Variants in RORA observed in about 807,000 individuals in gnomAD.
RORA encodes nuclear receptor ROR-alpha.
In RORA, 7 loss-of-function variants were observed where a neutral mutation model predicts 69.5. That is an observed-to-expected ratio of 0.10 (90% confidence interval 0.06 to 0.19). The LOEUF (loss-of-function observed/expected upper bound fraction) is 0.19, where lower values mean the gene tolerates loss of function less well. RORA is among the 10% of genes least tolerant of loss of function. RORA has a pLI of 1.00. For synonymous variants in RORA, 261 were observed against 240.8 expected (o/e 1.08, Z -0.78); for missense variants, 457 against 663.0 (o/e 0.69, Z 3.41).
intron 1 of RORA, among the ~76,000 whole-genome samples, chr15:60,817,180 G>A (rs2263569): frequency 0.2 from 30,516 of 152,026 alleles, 3,443 homozygotes; most frequent in Admixed American, 0.26. Flanking sequence ...GGCAAATGTC[G>A]GAGAGATTGT....
At chr15:60,691,010 C>T (rs577401530) in intron 1 of RORA, among the ~76,000 whole-genome samples, 8 of 152,308 alleles carry the variant, frequency 5.3e-5, no homozygotes, top group Admixed American at 3.3e-4. Context: ...CCTGGTTCTC[C>T]GACCTAGTGT....
rs199910433 is a variant in RORA, at chr15:60,514,728, A to G, written c.312T>C (p.Asn104=). 25 of 1,613,968 alleles carry G rather than the reference A, an allele frequency of 1.5e-5. No individual in the cohort carries two copies. The highest frequency in any genetic ancestry group is 1.0e-4 in the Admixed American group (6 of 60,000). ...TCTGACGAGGACAGGAGTAGGTGGC[A>G]TTGCTTTGCTGACTTCTCCTGAAAA... ...KGFFRRSQQS[N]ATYSCPRQKN... Residue 104 remains asparagine (N), a synonymous_variant, in exon 4 of 11, where the codon AAT becomes AAC. Coordinates refer to ENST00000335670, the MANE Select transcript of RORA (RefSeq NM_134261.3).
In RORA at chr15:61,191,646, C is replaced by T. The variant is rs547429368; in HGVS notation, c.166+37407G>A. Among the ~76,000 whole-genome samples the T allele has an allele frequency of 2.1e-4, 32 of 152,282 alleles. 1 individual carries two copies. In the South Asian group the frequency reaches 6.4e-3, roughly 31 times the overall value. ...TCCAATGGAATTGAGACACTGACTGCTTATTGGTTCTCCCTTCCCAAACAA... is the reference window on the plus strand; with the variant it reads ...TCCAATGGAATTGAGACACTGACTGTTTATTGGTTCTCCCTTCCCAAACAA... On this transcript the variant is annotated intron_variant, in intron 1 of 10. Transcript: ENST00000335670.
intron 1 of RORA, among the ~76,000 whole-genome samples, chr15:61,097,123 A>T (rs911514181): frequency 3.3e-5 from 5 of 152,108 alleles, no homozygotes; most frequent in African/African-American, 9.7e-5. Flanking sequence ...CAAGAGGGGG[A>T]GTGTTTCCGA....
At chr15:61,137,083 GAAAGAAAGAAA>G (rs1567006673) in intron 1 of RORA, among the ~76,000 whole-genome samples, 1 of 146,492 alleles carries the variant, frequency 6.8e-6, no homozygotes, top group African/African-American at 2.6e-5. Context: ...AAGAAAGAAA[GAAAGAAAGAAA>G]GAAAGAAAAA....
chr15:60,678,941 A>C (rs986959081), intron 1 of RORA, among the ~76,000 whole-genome samples: 5 of 152,190 alleles, frequency 3.3e-5, no homozygotes, highest in African/African-American at 1.2e-4. Flanking sequence ...CAATAACTAA[A>C]CAGGGTTAAA....
intron 2 of RORA, among the ~76,000 whole-genome samples, chr15:60,599,045 G>C (rs940342889): frequency 2.8e-4 from 43 of 152,152 alleles, no homozygotes; most frequent in Non-Finnish European, 5.9e-5. Flanking sequence ...ATAATGTAAG[G>C]CAGAATGTGT....
intron 1 of RORA, among the ~76,000 whole-genome samples, chr15:61,113,375 T>A (rs1323677250): frequency 6.6e-6 from 1 of 152,192 alleles, no homozygotes; most frequent in Non-Finnish European, 1.5e-5. Flanking sequence ...ATTCCCAGGC[T>A]TAGGACCTGA....
chr15:60,639,039 A>C (rs1723014946), intron 2 of RORA, among the ~76,000 whole-genome samples: 1 of 152,130 alleles, frequency 6.6e-6, no homozygotes, highest in Non-Finnish European at 1.5e-5. Flanking sequence ...GAGAACAGCG[A>C]AACCGTGCCT....
intron 1 of RORA, among the ~76,000 whole-genome samples, chr15:60,880,949 C>T (rs896065695): frequency 6.6e-6 from 1 of 152,182 alleles, no homozygotes; most frequent in African/African-American, 2.4e-5. Context: ...CCACCTGACA[C>T]CTCAGCCTCT....
At chr15:61,109,207 A>C (rs768914748) in intron 1 of RORA, among the ~76,000 whole-genome samples, 1 of 152,166 alleles carries the variant, frequency 6.6e-6, no homozygotes, top group African/African-American at 2.4e-5. Context: ...AAAAATAAAT[A>C]ATATTAACCA....
At chr15:60,872,522 T>C (rs2073568333) in intron 1 of RORA, among the ~76,000 whole-genome samples, 1 of 152,006 alleles carries the variant, frequency 6.6e-6, no homozygotes, top group Admixed American at 6.6e-5. Context: ...AAGTATAAAG[T>C]AGGGCAGTGA....
chr15:60,931,454 TTCC>T (rs1484389290), intron 1 of RORA, among the ~76,000 whole-genome samples: 11 of 152,256 alleles, frequency 7.2e-5, no homozygotes, highest in African/African-American at 2.4e-4. Context: ...TGGCTTCAGC[TTCC>T]AGAGCTAAGC....
Position 61,101,868 on chromosome 15 carries a change from G to C in RORA, c.166+127185C>G, listed in dbSNP as rs904126460. 2.0e-5 allele frequency among the ~76,000 whole-genome samples: 3 copies of C among 152,108 alleles called. No homozygotes were observed. The East Asian group carries it at 5.8e-4, about 29-fold the overall frequency. ...GACAGCAGACAGGTTTGCTATGAAT[G>C]CTGGAAGTAATTCTCAGGGTCTTGG... On this transcript the variant is annotated intron_variant, in intron 1 of 10. Coordinates refer to ENST00000335670, the MANE Select transcript of RORA (RefSeq NM_134261.3).
At chr15:61,204,738 A>G (rs2079924862) in intron 1 of RORA, among the ~76,000 whole-genome samples, 1 of 152,242 alleles carries the variant, frequency 6.6e-6, no homozygotes, top group African/African-American at 2.4e-5. Flanking sequence ...CACTGGTATT[A>G]TGACATGCAG....
chr15:60,506,615 G>T (rs956957078), intron 5 of RORA, among the ~76,000 whole-genome samples: 1 of 152,228 alleles, frequency 6.6e-6, no homozygotes, highest in Non-Finnish European at 1.5e-5. Flanking sequence ...CACTTTGGGA[G>T]GCTGAGCTGG....
chr15:60,870,916 A>T (rs938110252), intron 1 of RORA, among the ~76,000 whole-genome samples: 6 of 152,232 alleles, frequency 3.9e-5, no homozygotes, highest in African/African-American at 1.4e-4. Context: ...CTTGCCAAGA[A>T]GTATTTTTTA....
intron 1 of RORA, among the ~76,000 whole-genome samples, chr15:61,076,911 C>A (rs145389903): frequency 1.6e-3 from 247 of 151,484 alleles, no homozygotes; most frequent in Middle Eastern, 6.8e-3. Flanking sequence ...TTTCACTCTA[C>A]CCCCTCTCCC....
rs2064995077 is a variant in RORA at position 60,488,838 on chromosome 15, ATCC to A, written c.*8614_*8616del. The stretch of plus-strand genomic sequence containing the variant: ...GAAGTTTGTGAAATTTGTGTGCTTA[ATCC>A]TCAAGACCTACACACAATTAGAATC... On this transcript the variant is annotated 3_prime_UTR_variant, in exon 11 of 11. Transcript: ENST00000335670. 1 of 152,242 alleles carries A rather than the reference ATCC, an allele frequency of 6.6e-6. No homozygotes were observed. Among genetic ancestry groups the A allele is most frequent in the South Asian group, 2.1e-4 (1 of 4,836 alleles). 9.4% of individuals were successfully genotyped at this position (152,242 alleles called of 1,614,324 possible).
Sources: gnomAD v4.1 joint callset for allele counts (sites outside exome capture counted in the v4.1 genomes callset) on GRCh38, gnomAD v4.1.1 for gene constraint, MANE v1.5 for transcripts, NCBI Gene and HGNC (gene_info 2026-07-23, HGNC 2026-07-21) for gene names.